Variants in GFOD2 observed in about 807,000 individuals in gnomAD.
The protein encoded by GFOD2 is glucose-fructose oxidoreductase domain-containing protein 2.
In GFOD2, 9 loss-of-function variants were observed where a neutral mutation model predicts 24.6. That is an observed-to-expected ratio of 0.37 (90% CI 0.22 to 0.64). The LOEUF is 0.64. Ranked by LOEUF, GFOD2 falls within the 30% of genes least tolerant of loss-of-function variation. GFOD2 has a pLI of 0.65. For missense variants in GFOD2, 476 were observed against 532.5 expected, an observed-to-expected ratio of 0.89 and a Z score of 1.04; for synonymous variants, 211 against 224.8, an observed-to-expected ratio of 0.94 and a Z score of 0.55.
intron 2 of GFOD2, chr16:67,683,174 T>G: frequency 1.0e-6 from 1 of 988,864 alleles, no homozygotes; most frequent in South Asian, 4.7e-5. Flanking sequence ...GTTGCCCAGC[T>G]GAGAATTCAG....
intron 1 of GFOD2, among the ~76,000 whole-genome samples, chr16:67,703,728 T>C (rs1357356813): frequency 1.3e-5 from 2 of 152,178 alleles, no homozygotes; most frequent in African/African-American, 2.4e-5. Flanking sequence ...TGTCATATGG[T>C]AGACAGGCAG....
Position 67,683,737 on chromosome 16 carries a change from G to A in GFOD2, c.259+1720C>T. On this transcript the variant is annotated intron_variant, in intron 2 of 2. Transcript: ENST00000268797. ...CTTCCTATGACATTCCTCAGAATGAGGGAGGAGATAAGTAGCAGACCCTGA... is the reference window on the plus strand; with the variant it reads ...CTTCCTATGACATTCCTCAGAATGAAGGAGGAGATAAGTAGCAGACCCTGA... The A allele has an allele frequency of 5.7e-6, 7 of 1,228,460 alleles. No individual in the cohort carries two copies. The South Asian group carries it at 2.5e-4, about 45-fold the overall frequency. 76.1% of individuals were successfully genotyped at this position (1,228,460 alleles called of 1,614,324 possible). A position where few individuals can be genotyped will look rare whatever the true frequency, so the allele number is the denominator to read the frequency against.
intron 1 of GFOD2, among the ~76,000 whole-genome samples, chr16:67,717,800 A>G (rs2053517721): frequency 6.6e-6 from 1 of 152,102 alleles, no homozygotes; most frequent in East Asian, 1.9e-4. Context: ...CGATAGATAG[A>G]TAGATAGATA....
At chr16:67,702,206 C>T (rs1042441876) in intron 1 of GFOD2, among the ~76,000 whole-genome samples, 8 of 152,050 alleles carry the variant, frequency 5.3e-5, no homozygotes, top group East Asian at 1.9e-4. Flanking sequence ...ATTTGGAGGC[C>T]GGTACAGTAG....
chr16:67,686,515 G>A (rs1024331633), intron 1 of GFOD2, among the ~76,000 whole-genome samples: 4 of 152,058 alleles, frequency 2.6e-5, no homozygotes, highest in Admixed American at 6.6e-5. Flanking sequence ...AAAAGTTCAT[G>A]ATTCTATATA....
At chr16:67,718,764 G>A (rs2053524021) in intron 1 of GFOD2, among the ~76,000 whole-genome samples, 2 of 152,034 alleles carry the variant, frequency 1.3e-5, no homozygotes, top group Non-Finnish European at 2.9e-5. Context: ...GCTACCCCAC[G>A]AGCCCTTTGT....
At chr16:67,695,727 G>T (rs1026410997) in intron 1 of GFOD2, among the ~76,000 whole-genome samples, 4 of 151,546 alleles carry the variant, frequency 2.6e-5, no homozygotes, top group African/African-American at 9.7e-5. Flanking sequence ...GTAGAGACAG[G>T]GTTTCACTAT....
intron 2 of GFOD2, chr16:67,684,790 C>G (rs1440260893): frequency 2.2e-5 from 22 of 983,896 alleles, no homozygotes; most frequent in Non-Finnish European, 2.5e-5. Flanking sequence ...AAGAAGTTGA[C>G]TCCAGTTGAC....
chr16:67,702,980 G>T (rs2053414461), intron 1 of GFOD2, among the ~76,000 whole-genome samples: 1 of 152,152 alleles, frequency 6.6e-6, no homozygotes, highest in Non-Finnish European at 1.5e-5. Context: ...GGAGTCAATG[G>T]ATAACTTTAG....
Position 67,687,616 on chromosome 16 carries a change from G to A in GFOD2, c.-87-1814C>T, listed in dbSNP as rs193002278. Among the ~76,000 whole-genome samples, 3 of 145,618 alleles carry A rather than the reference G, an allele frequency of 2.1e-5. No individual in the cohort carries two copies. The East Asian group carries it at 5.9e-4, about 29-fold the overall frequency. On this transcript the variant is annotated intron_variant, in intron 1 of 2. Coordinates refer to ENST00000268797, the MANE Select transcript of GFOD2 (RefSeq NM_030819.4). ...AGATCGCGCCAATGCACTCCAGCCT[G>A]GGCGACAGAGCAAGACTCCGTCTCA...
intron 1 of GFOD2, among the ~76,000 whole-genome samples, chr16:67,715,328 G>A (rs1354084341): frequency 2.6e-5 from 4 of 152,206 alleles, no homozygotes; most frequent in African/African-American, 9.6e-5. Flanking sequence ...CCAGAGTGCT[G>A]GGATTACAGG....
At chr16:67,707,531 TTATC>T (rs2053447417) in intron 1 of GFOD2, among the ~76,000 whole-genome samples, 1 of 151,848 alleles carries the variant, frequency 6.6e-6, no homozygotes, top group South Asian at 2.1e-4. Context: ...TTATAGATAT[TTATC>T]TAAGAAAATA....
chr16:67,674,750 C>T lies in GFOD2; in HGVS notation c.*405G>A. ...TGTTGCCCTCACTGTTCCTGAGATGCCCCAGCCCAAGAACGAAACAAAACT... is the reference window on the plus strand; with the variant it reads ...TGTTGCCCTCACTGTTCCTGAGATGTCCCAGCCCAAGAACGAAACAAAACT... On this transcript the variant is annotated 3_prime_UTR_variant, in exon 3 of 3. Transcript: ENST00000268797. The T allele has an allele frequency of 5.9e-6, 1 of 169,852 alleles. No homozygotes were observed. The highest frequency in any genetic ancestry group is 1.3e-5 in the Non-Finnish European group (1 of 79,226). The allele number at this position is 169,852 out of a possible 1,614,324, so 10.5% of individuals were successfully genotyped here. A position where few individuals can be genotyped will look rare whatever the true frequency, so the allele number is the denominator to read the frequency against.
intron 1 of GFOD2, among the ~76,000 whole-genome samples, chr16:67,705,941 A>T (rs1398401440): frequency 7.2e-6 from 1 of 139,792 alleles, no homozygotes; most frequent in African/African-American, 2.6e-5. Context: ...CTCTATCTTT[A>T]AAAAAAAAAA....
At chr16:67,709,270 T>C (rs968643671) in intron 1 of GFOD2, among the ~76,000 whole-genome samples, 1 of 151,216 alleles carries the variant, frequency 6.6e-6, no homozygotes, top group African/African-American at 2.4e-5. Flanking sequence ...ATTGCACCAC[T>C]GTACTCCAGC....
intron 1 of GFOD2, among the ~76,000 whole-genome samples, chr16:67,706,747 A>G (rs536366523): frequency 6.6e-6 from 1 of 152,302 alleles, no homozygotes; most frequent in East Asian, 1.9e-4. Flanking sequence ...TAAAAAAATG[A>G]AAATGCAAGC....
At chr16:67,682,817 C>T (rs2142993184) in intron 2 of GFOD2, 8 of 985,374 alleles carry the variant, frequency 8.1e-6, no homozygotes, top group Non-Finnish European at 9.6e-6. Context: ...TTCCTTAATG[C>T]TCCTGGGCCT....
intron 1 of GFOD2, among the ~76,000 whole-genome samples, chr16:67,700,918 TC>T (rs1266575811): frequency 6.8e-6 from 1 of 148,072 alleles, no homozygotes; most frequent in African/African-American, 2.5e-5. Flanking sequence ...ACGCCTGTAA[TC>T]CCAGCTACTC....
chr16:67,682,184 C>T lies in GFOD2; in HGVS notation c.259+3273G>A, dbSNP rs149010055. ...TCCTGAGTAGCTGGGACTATAGGCA[C>T]GTGCCAACACGCCCAGCTAATTTTT... On this transcript the variant is annotated intron_variant, in intron 2 of 2. Transcript: ENST00000268797. The T allele has an allele frequency of 2.2e-3, 463 of 211,946 alleles. 4 individuals are homozygous for T. The highest frequency in any genetic ancestry group is 9.7e-3 in the African/African-American group (412 of 42,598). The allele number at this position is 211,946 out of a possible 1,614,324, so 13.1% of individuals were successfully genotyped here. A position where few individuals can be genotyped will look rare whatever the true frequency, so the allele number is the denominator to read the frequency against.
Sources: allele counts gnomAD v4.1 joint callset (sites outside exome capture counted in the v4.1 genomes callset), GRCh38; gene constraint gnomAD v4.1.1; transcripts MANE v1.5; gene names NCBI Gene and HGNC (gene_info 2026-07-23, HGNC 2026-07-21).